Variants in ME3 observed in about 807,000 individuals in gnomAD.
ME3 encodes the protein NADP-dependent malic enzyme, mitochondrial.
ME3 carries 48 observed loss-of-function variants against 68.9 expected under a neutral mutation model. The observed-to-expected ratio is 0.70, with a 90% CI of 0.55 to 0.89. The LOEUF is 0.89. Among genes scored for constraint, ME3 ranks in the 40% least tolerant of loss-of-function variants. ME3 has a pLI of 0.00. For synonymous variants in ME3, 320 were observed against 318.8 expected, an observed-to-expected ratio of 1.00 and a Z score of -0.04; for missense variants, 675 against 797.4, an observed-to-expected ratio of 0.85 and a Z score of 1.85.
downstream of ME3, chr11:86,436,368 CTTA>C (rs1948897695): frequency 6.6e-6 from 1 of 151,940 alleles, no homozygotes; most frequent in South Asian, 2.1e-4. Flanking sequence ...TTGTCATCTT[CTTA>C]TTAAGTTGAA....
At chr11:86,522,248 TCAAACAAA>T (rs67315994) in intron 4 of ME3, among the ~76,000 whole-genome samples, 25,386 of 150,002 alleles carry the variant, frequency 0.17, 2,335 homozygotes, top group African/African-American at 0.24. Flanking sequence ...AGACTCTGTC[TCAAACAAA>T]CAAACAAACA....
At chr11:86,588,119 A>G (rs1447512707) in intron 2 of ME3, among the ~76,000 whole-genome samples, 1 of 152,250 alleles carries the variant, frequency 6.6e-6, no homozygotes, top group Non-Finnish European at 1.5e-5. Context: ...ACTAGGAGCT[A>G]AGCTGTGGCA....
chr11:86,545,446 A>G (rs1956304788), intron 4 of ME3, among the ~76,000 whole-genome samples: 1 of 152,258 alleles, frequency 6.6e-6, no homozygotes, highest in African/African-American at 2.4e-5. Context: ...AATCTCCTTA[A>G]GCTGATAAGC....
At chr11:86,529,439 C>T (rs924542976) in intron 4 of ME3, among the ~76,000 whole-genome samples, 2 of 152,186 alleles carry the variant, frequency 1.3e-5, no homozygotes, top group African/African-American at 4.8e-5. Context: ...CAGGGAGGAG[C>T]TGGTACCATT....
intron 5 of ME3, 80 bp from the exon 6 acceptor site, chr11:86,498,204 AGGCTTGGCGACT>A: frequency 6.7e-7 from 1 of 1,482,206 alleles, no homozygotes; most frequent in Non-Finnish European, 9.0e-7. Flanking sequence ...CCAGCCCATC[AGGCTTGGCGACT>A]GGATGCCCAC....
At chr11:86,645,790 A>C (rs1311721387) in intron 2 of ME3, among the ~76,000 whole-genome samples, 1 of 152,190 alleles carries the variant, frequency 6.6e-6, no homozygotes. Flanking sequence ...CAGACACCTC[A>C]TACAGGAGAG....
At chr11:86,556,577 T>C in exon 4 of ME3, 1 of 1,614,110 alleles carries the variant, frequency 6.2e-7, no homozygotes. Flanking sequence ...AGTCAGGCCA[T>C]AGTGCTGACA....
At chr11:86,525,040 A>T (rs1954628965) in intron 4 of ME3, among the ~76,000 whole-genome samples, 1 of 152,224 alleles carries the variant, frequency 6.6e-6, no homozygotes, top group South Asian at 2.1e-4. Context: ...GTCAGGGATA[A>T]GTTCCAGTGA....
intron 2 of ME3, among the ~76,000 whole-genome samples, chr11:86,629,058 T>C (rs1227981689): frequency 1.3e-5 from 2 of 152,236 alleles, no homozygotes; most frequent in Admixed American, 6.5e-5. Context: ...GGGAGCTACA[T>C]GCGTGCCCCT....
chr11:86,464,097 T>G (rs1406737651), intron 8 of ME3: 2 of 451,856 alleles, frequency 4.4e-6, no homozygotes, highest in Non-Finnish European at 8.9e-6. Context: ...TGAAGAAAAG[T>G]TGTGACCTCT....
chr11:86,672,073 T>A, intron 1 of ME3, 115 bp from the exon 2 acceptor site: 1 of 851,032 alleles, frequency 1.2e-6, no homozygotes, highest in Non-Finnish European at 1.6e-6. Context: ...GGGCAGGTGC[T>A]CCCAAAGGGT....
chr11:86,531,235 G>A (rs1004176952), intron 4 of ME3, among the ~76,000 whole-genome samples: 1 of 152,288 alleles, frequency 6.6e-6, no homozygotes, highest in African/African-American at 2.4e-5. Flanking sequence ...GCAGCCAAAA[G>A]ACACATCAAG....
intron 2 of ME3, among the ~76,000 whole-genome samples, chr11:86,565,909 T>C (rs902167114): frequency 1.3e-5 from 2 of 152,182 alleles, no homozygotes; most frequent in Non-Finnish European, 2.9e-5. Context: ...CTGGAAGAAG[T>C]TGCAGGAACT....
At chr11:86,490,441 A>C (rs1951932396) in intron 6 of ME3, among the ~76,000 whole-genome samples, 1 of 152,154 alleles carries the variant, frequency 6.6e-6, no homozygotes, top group African/African-American at 2.4e-5. Context: ...TCCACATGCT[A>C]CCTTCAAAGT....
At chr11:86,523,251 A>G in intron 4 of ME3, among the ~76,000 whole-genome samples, 1 of 152,218 alleles carries the variant, frequency 6.6e-6, no homozygotes, top group African/African-American at 2.4e-5. Context: ...ATGCTATGCC[A>G]TTTACTTACT....
downstream of ME3, among the ~76,000 whole-genome samples, chr11:86,440,385 A>G (rs930872930): frequency 1.3e-5 from 2 of 152,190 alleles, no homozygotes; most frequent in African/African-American, 4.8e-5. Flanking sequence ...ATGGACTGAT[A>G]TTACTCACTA....
chr11:86,526,030 TG>T (rs1453094560), intron 4 of ME3, among the ~76,000 whole-genome samples: 1 of 152,146 alleles, frequency 6.6e-6, no homozygotes, highest in Non-Finnish European at 1.5e-5. Context: ...TGCAGGACAG[TG>T]GGTGCAGCGC....
chr11:86,467,712 C>CACACACACACACACA (rs1471970486), intron 7 of ME3, among the ~76,000 whole-genome samples: 22 of 150,712 alleles, frequency 1.5e-4, no homozygotes, highest in African/African-American at 4.4e-4. Context: ...CACACACACA[C>CACACACACACACACA]CCCTTTAAGC....
chr11:86,654,969 C>A (rs1012385687), intron 2 of ME3, among the ~76,000 whole-genome samples: 9 of 152,040 alleles, frequency 5.9e-5, no homozygotes, highest in Non-Finnish European at 1.2e-4. Context: ...AAACAGAGAG[C>A]CAAATCATGA....
Sources: allele counts gnomAD v4.1 joint callset (sites outside exome capture counted in the v4.1 genomes callset), GRCh38; gene constraint gnomAD v4.1.1; transcripts MANE v1.5; gene names NCBI Gene and HGNC (gene_info 2026-07-23, HGNC 2026-07-21).